GALNT13: variants seen among roughly 807,000 people sequenced by gnomAD.
GALNT13 encodes the protein polypeptide N-acetylgalactosaminyltransferase 13.
GALNT13 carries 28 observed loss-of-function variants against 64.2 expected under a neutral mutation model. That is an observed-to-expected ratio of 0.44 (90% CI 0.32 to 0.60). The LOEUF (loss-of-function observed/expected upper bound fraction) is 0.60, where lower values mean the gene tolerates loss of function less well. Among genes scored for constraint, GALNT13 ranks in the 20% least tolerant of loss-of-function variants. The pLI is 0.05. For missense variants in GALNT13, 577 were observed against 669.8 expected (o/e 0.86, Z 1.53); for synonymous variants, 214 against 224.6 (o/e 0.95, Z 0.42).
the GALNT13 span, among the ~76,000 whole-genome samples, chr2:153,728,842 A>G: frequency 2.0e-5 from 3 of 152,232 alleles, no homozygotes. Flanking sequence ...AACTACCATC[A>G]GAGAATACTA....
At chr2:154,393,021 T>C (rs1270034194) in intron 9 of GALNT13, among the ~76,000 whole-genome samples, 1 of 152,212 alleles carries the variant, frequency 6.6e-6, no homozygotes, top group Non-Finnish European at 1.5e-5. Flanking sequence ...TGGATATTTG[T>C]GCTAGATACT....
the GALNT13 span, among the ~76,000 whole-genome samples, chr2:153,205,469 C>T: frequency 6.6e-6 from 1 of 152,150 alleles, no homozygotes; most frequent in Non-Finnish European, 1.5e-5. Flanking sequence ...TTTGTTTAAT[C>T]CAAATTTGAA....
chr2:153,424,723 A>G, the GALNT13 span, among the ~76,000 whole-genome samples: 1 of 151,890 alleles, frequency 6.6e-6, no homozygotes, highest in Non-Finnish European at 1.5e-5. Context: ...GTCATACATA[A>G]TAAAACTAGT....
At chr2:153,771,699 T>C in the GALNT13 span, among the ~76,000 whole-genome samples, 1 of 152,128 alleles carries the variant, frequency 6.6e-6, no homozygotes, top group African/African-American at 2.4e-5. Flanking sequence ...AGCAGGTGTG[T>C]GCTGAATGCC....
At chr2:153,639,044 GTTTTGTTTTGTTTTGT>G in the GALNT13 span, among the ~76,000 whole-genome samples, 1 of 35,252 alleles carries the variant, frequency 2.8e-5, no homozygotes, top group Non-Finnish European at 5.9e-5. Context: ...GAATTGTTTT[GTTTTGTTTTGTTTTGT>G]TTTGTTTTGT....
intron 7 of GALNT13, among the ~76,000 whole-genome samples, chr2:154,248,046 A>G (rs1689876923): frequency 1.3e-5 from 2 of 152,076 alleles, no homozygotes; most frequent in Non-Finnish European, 2.9e-5. Context: ...TTTTTTTCCT[A>G]CTTGATTAAC....
At chr2:153,112,918 T>A in the GALNT13 span, among the ~76,000 whole-genome samples, 1 of 152,194 alleles carries the variant, frequency 6.6e-6, no homozygotes, top group South Asian at 2.1e-4. Context: ...TAAGAGCTTT[T>A]TTCTCACAGA....
the GALNT13 span, among the ~76,000 whole-genome samples, chr2:153,384,031 T>C: frequency 1.3e-5 from 2 of 152,104 alleles, no homozygotes; most frequent in African/African-American, 2.4e-5. Flanking sequence ...AAGTTGGTTA[T>C]GAAAGACTTT....
At chr2:154,221,607 G>A (rs1170132045) in intron 4 of GALNT13, among the ~76,000 whole-genome samples, 4 of 152,014 alleles carry the variant, frequency 2.6e-5, no homozygotes, top group Non-Finnish European at 5.9e-5. Context: ...GAGAATGAAA[G>A]GCAATTCTAT....
At chr2:154,101,364 T>C (rs1453640013) in intron 3 of GALNT13, among the ~76,000 whole-genome samples, 1 of 152,062 alleles carries the variant, frequency 6.6e-6, no homozygotes, top group Non-Finnish European at 1.5e-5. Flanking sequence ...TTTCTATTCC[T>C]TCTTTATTCT....
chr2:153,719,403 T>C, the GALNT13 span, among the ~76,000 whole-genome samples: 4 of 152,196 alleles, frequency 2.6e-5, no homozygotes, highest in African/African-American at 9.7e-5. Context: ...GATTAGGTAT[T>C]TGCTTCCATA....
chr2:153,638,638 A>G, the GALNT13 span, among the ~76,000 whole-genome samples: 4 of 21,002 alleles, frequency 1.9e-4, 2 homozygotes, highest in East Asian at 0.08. Flanking sequence ...TCTCCATAGC[A>G]ACAAGAGCCA....
chr2:153,991,941 A>G (rs1193739379), intron 3 of GALNT13, among the ~76,000 whole-genome samples: 1 of 152,166 alleles, frequency 6.6e-6, no homozygotes, highest in Non-Finnish European at 1.5e-5. Context: ...TGCCAAAGAG[A>G]GAAATAAATA....
At chr2:153,295,527 T>TAAAAAAAA in the GALNT13 span, among the ~76,000 whole-genome samples, 1 of 139,750 alleles carries the variant, frequency 7.2e-6, no homozygotes, top group Non-Finnish European at 1.5e-5. Context: ...CTGGAGTACC[T>TAAAAAAAA]AAAAAAAAAA....
chr2:153,074,177 T>A, the GALNT13 span, among the ~76,000 whole-genome samples: 1 of 152,224 alleles, frequency 6.6e-6, no homozygotes, highest in African/African-American at 2.4e-5. Context: ...TATTCTAATT[T>A]ATCATTCCTT....
intron 4 of GALNT13, among the ~76,000 whole-genome samples, chr2:154,235,081 A>G (rs1176685315): frequency 2.0e-5 from 3 of 152,222 alleles, no homozygotes; most frequent in South Asian, 2.1e-4. Flanking sequence ...CATATTTCCA[A>G]TGGAAGCCAA....
chr2:154,060,591 A>G (rs1266080333), intron 3 of GALNT13, among the ~76,000 whole-genome samples: 1 of 152,114 alleles, frequency 6.6e-6, no homozygotes, highest in Non-Finnish European at 1.5e-5. Context: ...CTTGAGTGCA[A>G]GTGATTTCCC....
At chr2:153,784,624 T>C in the GALNT13 span, among the ~76,000 whole-genome samples, 4 of 152,150 alleles carry the variant, frequency 2.6e-5, no homozygotes, top group African/African-American at 9.7e-5. Flanking sequence ...CCAGGAGCTT[T>C]AAATACCCGG....
chr2:153,168,269 A>G, the GALNT13 span, among the ~76,000 whole-genome samples: 1 of 152,198 alleles, frequency 6.6e-6, no homozygotes, highest in African/African-American at 2.4e-5. Context: ...AAATATTTTA[A>G]TGTGAAATAG....
Sources: allele counts gnomAD v4.1 joint callset (sites outside exome capture counted in the v4.1 genomes callset), GRCh38; gene constraint gnomAD v4.1.1; transcripts MANE v1.5; gene names NCBI Gene and HGNC (gene_info 2026-07-23, HGNC 2026-07-21).